The following CLCN3 variants were observed in gnomAD, a reference collection of about 807,000 sequenced individuals.
The protein encoded by CLCN3 is H(+)/Cl(-) exchange transporter 3.
In CLCN3, 16 loss-of-function variants were observed where a neutral mutation model predicts 83.4. The observed-to-expected ratio is 0.19, with a 90% confidence interval of 0.13 to 0.29. The LOEUF is 0.29. Ranked by LOEUF, CLCN3 falls within the 10% of genes least tolerant of loss-of-function variation. The pLI is 1.00. For synonymous variants in CLCN3, 322 were observed against 346.2 expected (o/e 0.93, Z 0.78); for missense variants, 544 against 1,006.0 (o/e 0.54, Z 6.21).
intron 7 of CLCN3, 48 bp downstream of exon 7, chr4:169,692,368 GTATT>G (rs1188978623): frequency 2.3e-5 from 19 of 819,776 alleles, no homozygotes; most frequent in Non-Finnish European, 3.4e-5. Flanking sequence ...ATATTATATA[GTATT>G]TATTTAAGTA....
At chr4:169,643,129 A>G (rs140772036) in intron 2 of CLCN3, 3 of 152,346 alleles carry the variant, frequency 2.0e-5, no homozygotes, top group South Asian at 4.1e-4. Context: ...ACAGAACACA[A>G]CCCAGCTGAA....
intron 2 of CLCN3, among the ~76,000 whole-genome samples, chr4:169,665,907 T>G (rs1477850464): frequency 6.6e-6 from 1 of 152,078 alleles, no homozygotes; most frequent in Non-Finnish European, 1.5e-5. Flanking sequence ...GAGAAAAGGC[T>G]TAGGCTCCTG....
intron 2 of CLCN3, among the ~76,000 whole-genome samples, chr4:169,651,803 A>G (rs1325581820): frequency 6.6e-6 from 1 of 152,212 alleles, no homozygotes; most frequent in Non-Finnish European, 1.5e-5. Context: ...ACATAAAATA[A>G]TAAGTCTATG....
At chr4:169,703,571 T>G (rs1201954873) in intron 9 of CLCN3, among the ~76,000 whole-genome samples, 4 of 152,160 alleles carry the variant, frequency 2.6e-5, no homozygotes, top group Non-Finnish European at 5.9e-5. Flanking sequence ...TTACAAGTGG[T>G]TTTGGTTACG....
chr4:169,666,361 G>A (rs1731246183), intron 2 of CLCN3, among the ~76,000 whole-genome samples: 1 of 152,072 alleles, frequency 6.6e-6, no homozygotes, highest in South Asian at 2.1e-4. Context: ...GTACACCTGG[G>A]GTAAAGGTAC....
chr4:169,650,511 C>T (rs1284368928), intron 2 of CLCN3, among the ~76,000 whole-genome samples: 2 of 152,186 alleles, frequency 1.3e-5, no homozygotes, highest in Admixed American at 1.3e-4. Context: ...AATTTGACAA[C>T]ATATATTCTT....
At chr4:169,639,095 T>C (rs1159101974) in intron 2 of CLCN3, among the ~76,000 whole-genome samples, 2 of 152,180 alleles carry the variant, frequency 1.3e-5, no homozygotes, top group African/African-American at 4.8e-5. Flanking sequence ...GGTGGTACAA[T>C]GATGGCTAAC....
chr4:169,673,487 G>A (rs1206029061), intron 2 of CLCN3, among the ~76,000 whole-genome samples: 6 of 151,932 alleles, frequency 3.9e-5, no homozygotes, highest in Non-Finnish European at 8.8e-5. Flanking sequence ...TTATCTTCAC[G>A]CTGTAAATAG....
chr4:169,641,672 T>G (rs143490227), intron 2 of CLCN3, among the ~76,000 whole-genome samples: 4 of 152,342 alleles, frequency 2.6e-5, no homozygotes, highest in Non-Finnish European at 5.9e-5. Context: ...AAGAAGAAGC[T>G]TGGCAAAGTA....
intron 1 of CLCN3, among the ~76,000 whole-genome samples, chr4:169,625,117 G>T (rs992734169): frequency 1.3e-5 from 2 of 152,178 alleles, no homozygotes; most frequent in African/African-American, 4.8e-5. Flanking sequence ...TCTGTGACTA[G>T]TACTTAGCAC....
intron 2 of CLCN3, chr4:169,663,408 A>C (rs11733978): frequency 0.089 from 17,374 of 195,414 alleles, 855 homozygotes; most frequent in African/African-American, 0.12. Flanking sequence ...GATTATAGCA[A>C]ATGCAGCCTT....
chr4:169,655,948 A>G (rs1730870192), intron 2 of CLCN3, among the ~76,000 whole-genome samples: 1 of 152,036 alleles, frequency 6.6e-6, no homozygotes, highest in Non-Finnish European at 1.5e-5. Context: ...TGTTTTTTCC[A>G]TTTATTTTCT....
intron 2 of CLCN3, among the ~76,000 whole-genome samples, chr4:169,665,615 C>A (rs933875108): frequency 2.6e-5 from 4 of 151,400 alleles, no homozygotes; most frequent in Admixed American, 6.6e-5. Context: ...AAAAAAAAAA[C>A]CATCTGGGGC....
chr4:169,644,367 C>T (rs1445452300), intron 2 of CLCN3, among the ~76,000 whole-genome samples: 3 of 151,282 alleles, frequency 2.0e-5, no homozygotes, highest in Non-Finnish European at 2.9e-5. Context: ...AAGCAATTCT[C>T]GTGCTTTGGC....
chr4:169,694,046 T>C (rs547407246), intron 7 of CLCN3, among the ~76,000 whole-genome samples: 2 of 152,266 alleles, frequency 1.3e-5, no homozygotes, highest in African/African-American at 4.8e-5. Flanking sequence ...AGTTTGGTTG[T>C]AAATTCAGGA....
At chr4:169,690,750 T>C in intron 6 of CLCN3, 98 bp downstream of exon 6, 1 of 1,187,378 alleles carries the variant, frequency 8.4e-7, no homozygotes, top group Non-Finnish European at 1.2e-6. Context: ...AGGGAGGGGA[T>C]AGTTTGTTCA....
intron 11 of CLCN3, among the ~76,000 whole-genome samples, chr4:169,712,159 G>A (rs988723458): frequency 4.0e-5 from 6 of 151,666 alleles, no homozygotes; most frequent in Non-Finnish European, 5.9e-5. Context: ...CACCATGGCC[G>A]GCCAAAATAT....
At position 169,707,209 on chromosome 4, in the gene CLCN3, A is replaced by G. The variant is rs1174554979; in HGVS notation, c.2092A>G (p.Lys698Glu). 6.2e-7 allele frequency: 1 copy of G among 1,613,880 alleles called. No homozygotes were observed. The highest frequency in any genetic ancestry group is 8.5e-7 in the Non-Finnish European group (1 of 1,179,846). Residue 698 changes from lysine to glutamate, a missense_variant, in exon 11 of 13, where the codon AAA (lysine) becomes GAA (glutamate). This residue lies in a region of CLCN3 where 142 missense variants were observed against 225.0 expected (regional missense o/e 0.63). Coordinates refer to ENST00000513761, the MANE Select transcript of CLCN3 (RefSeq NM_001829.4). ...CAATGGATTTCCTGTCATAATGTCA[A>G]AAGAATCTCAGAGATTAGTGGGATT... ...SYNGFPVIMS[K>E]ESQRLVGFAL...
Position 169,723,010 on chromosome 4 carries a change from ATAAT to A in CLCN3, c.*3019_*3022del, listed in dbSNP as rs1188209874. ...AGGGTGTCAGCATCTCTTCTTCTTA[ATAAT>A]TAATTGTTTTCAGTTTTGGTTCACG... On this transcript the variant is annotated 3_prime_UTR_variant, in exon 13 of 13. Transcript: ENST00000513761. 1.4e-4 allele frequency: 22 copies of A among 152,334 alleles called. No individual in the cohort carries two copies. The highest frequency in any genetic ancestry group is 7.8e-4 in the Admixed American group (12 of 15,306). 9.4% of individuals were successfully genotyped at this position (152,334 alleles called of 1,614,324 possible). A position where few individuals can be genotyped will look rare whatever the true frequency, so the allele number is the denominator to read the frequency against.
Sources: gnomAD v4.1 joint callset for allele counts (sites outside exome capture counted in the v4.1 genomes callset) on GRCh38, gnomAD v4.1.1 for gene constraint, gnomAD v4.1.1 regional missense constraint, MANE v1.5 for transcripts, NCBI Gene and HGNC (gene_info 2026-07-23, HGNC 2026-07-21) for gene names.